Variants in UBASH3B observed in about 807,000 individuals in gnomAD.
UBASH3B encodes ubiquitin associated and SH3 domain containing B.
UBASH3B carries 37 observed loss-of-function variants against 83.4 expected under a neutral mutation model. The observed-to-expected ratio is 0.44, with a 90% CI of 0.34 to 0.58. The LOEUF is 0.58. Among genes scored for constraint, UBASH3B ranks in the 20% least tolerant of loss-of-function variants. The pLI is 0.01. For synonymous variants in UBASH3B, 304 were observed against 318.3 expected, an observed-to-expected ratio of 0.96 and a Z score of 0.48; for missense variants, 657 against 827.2, an observed-to-expected ratio of 0.79 and a Z score of 2.52.
chr11:122,708,710 T>C (rs1864155720), intron 1 of UBASH3B, among the ~76,000 whole-genome samples: 1 of 152,136 alleles, frequency 6.6e-6, no homozygotes, highest in South Asian at 2.1e-4. Flanking sequence ...GGTTTTGGAG[T>C]CAGGCATCTC....
intron 1 of UBASH3B, among the ~76,000 whole-genome samples, chr11:122,721,021 A>G (rs35421531): frequency 0.27 from 40,972 of 151,732 alleles, 5,812 homozygotes; most frequent in Non-Finnish European, 0.29. Context: ...CGAGGTGGGC[A>G]GATCACAAGG....
chr11:122,683,221 C>T (rs1441136293), intron 1 of UBASH3B, among the ~76,000 whole-genome samples: 2 of 133,426 alleles, frequency 1.5e-5, no homozygotes, highest in African/African-American at 2.8e-5. Flanking sequence ...CGCCTGGAGA[C>T]AGAGTGAGAC....
rs1860758084 is a variant in UBASH3B, at chr11:122,727,265, A to G, written c.162-48954A>G. ...TTCCACCACAAGTGCTGAGCCACAC[A>G]GAAGCTTTAAGACTCCAAATCATAG... On this transcript the variant is annotated intron_variant, in intron 1 of 13. Coordinates refer to ENST00000284273, the MANE Select transcript of UBASH3B (RefSeq NM_032873.5). Among the ~76,000 whole-genome samples the G allele has an allele frequency of 2.0e-5, 3 of 152,362 alleles. No homozygotes were observed. The South Asian group carries it at 6.2e-4, about 32-fold the overall frequency.
intron 1 of UBASH3B, among the ~76,000 whole-genome samples, chr11:122,696,489 T>G (rs1033898517): frequency 1.3e-5 from 2 of 152,120 alleles, no homozygotes; most frequent in South Asian, 2.1e-4. Flanking sequence ...TTTTGCATTT[T>G]TAGTCGAGAC....
intron 11 of UBASH3B, among the ~76,000 whole-genome samples, chr11:122,801,551 C>T (rs1219615682): frequency 6.6e-6 from 1 of 152,148 alleles, no homozygotes; most frequent in African/African-American, 2.4e-5. Context: ...CAGCCTCACC[C>T]CCGTGTTGGA....
At chr11:122,750,522 A>G (rs1041026398) in intron 1 of UBASH3B, among the ~76,000 whole-genome samples, 1 of 152,230 alleles carries the variant, frequency 6.6e-6, no homozygotes, top group Non-Finnish European at 1.5e-5. Context: ...CCATGAGGTA[A>G]GGAACCAAAT....
intron 1 of UBASH3B, chr11:122,775,766 T>G (rs1208001944): frequency 6.3e-6 from 1 of 157,912 alleles, no homozygotes; most frequent in African/African-American, 2.4e-5. Flanking sequence ...AGAGTAAGAC[T>G]CTCTCAAAAA....
At chr11:122,798,549 A>AAT (rs2135177561) in intron 9 of UBASH3B, among the ~76,000 whole-genome samples, 1 of 151,990 alleles carries the variant, frequency 6.6e-6, no homozygotes, top group South Asian at 2.1e-4. Flanking sequence ...CATCTCTACT[A>AAT]AAAGTACAAA....
intron 1 of UBASH3B, among the ~76,000 whole-genome samples, chr11:122,657,544 C>T (rs149912631): frequency 3.3e-5 from 5 of 152,330 alleles, no homozygotes; most frequent in African/African-American, 1.2e-4. Flanking sequence ...CCACCTCGGT[C>T]TCCCAAAGTG....
intron 1 of UBASH3B, among the ~76,000 whole-genome samples, chr11:122,656,857 G>C (rs546452331): frequency 2.6e-5 from 4 of 152,380 alleles, no homozygotes; most frequent in Admixed American, 2.6e-4. Context: ...CGGCAGCTCA[G>C]AAATCTGTGG....
At chr11:122,702,327 T>C (rs1864050707) in intron 1 of UBASH3B, among the ~76,000 whole-genome samples, 1 of 152,156 alleles carries the variant, frequency 6.6e-6, no homozygotes, top group African/African-American at 2.4e-5. Context: ...ATAAAGATCT[T>C]TTTAAAGTAC....
intron 1 of UBASH3B, among the ~76,000 whole-genome samples, chr11:122,679,507 A>C (rs1422586935): frequency 6.6e-6 from 1 of 152,190 alleles, no homozygotes; most frequent in Non-Finnish European, 1.5e-5. Context: ...GCTCTACCTC[A>C]AACCCACTAC....
chr11:122,767,034 C>T (rs372392873), intron 1 of UBASH3B, among the ~76,000 whole-genome samples: 5 of 152,256 alleles, frequency 3.3e-5, no homozygotes. Flanking sequence ...AATCCCAGCA[C>T]TTTGGGAAGC....
intron 1 of UBASH3B, among the ~76,000 whole-genome samples, chr11:122,745,989 G>A (rs1314638816): frequency 6.6e-6 from 1 of 152,218 alleles, no homozygotes; most frequent in East Asian, 1.9e-4. Flanking sequence ...GTCTATCACT[G>A]AAGTTCCCAG....
At chr11:122,764,736 C>A (rs1860504407) in intron 1 of UBASH3B, among the ~76,000 whole-genome samples, 1 of 152,204 alleles carries the variant, frequency 6.6e-6, no homozygotes, top group African/African-American at 2.4e-5. Flanking sequence ...TACGTGAATT[C>A]AGGGAATTAG....
chr11:122,770,665 G>A (rs533106277), intron 1 of UBASH3B, among the ~76,000 whole-genome samples: 146 of 152,184 alleles, frequency 9.6e-4, no homozygotes, highest in Admixed American at 2.9e-3. Context: ...CCCACTATTC[G>A]CCTGGAACAA....
chr11:122,667,502 A>T (rs561276835), intron 1 of UBASH3B, among the ~76,000 whole-genome samples: 1 of 152,322 alleles, frequency 6.6e-6, no homozygotes, highest in East Asian at 1.9e-4. Flanking sequence ...AGGGTGGAAG[A>T]TACACGATTA....
chr11:122,671,730 G>A (rs10892878), intron 1 of UBASH3B, among the ~76,000 whole-genome samples: 36,672 of 152,108 alleles, frequency 0.24, 4,649 homozygotes, highest in Middle Eastern at 0.28. Flanking sequence ...GAGGAAGAGC[G>A]GTGGGACACC....
At chr11:122,665,174 G>A (rs1863499585) in intron 1 of UBASH3B, among the ~76,000 whole-genome samples, 1 of 152,158 alleles carries the variant, frequency 6.6e-6, no homozygotes. Context: ...TGGGATTACA[G>A]GTGTGAGCCA....
Sources: gnomAD v4.1 joint callset for allele counts (sites outside exome capture counted in the v4.1 genomes callset) on GRCh38, gnomAD v4.1.1 for gene constraint, MANE v1.5 for transcripts, NCBI Gene and HGNC (gene_info 2026-07-23, HGNC 2026-07-21) for gene names.